FHIT: variants seen among roughly 807,000 people sequenced by gnomAD.
The protein encoded by FHIT is bis(5'-adenosyl)-triphosphatase.
Under a neutral mutation model 17.9 loss-of-function variants are expected in FHIT, and 19 were observed. The ratio of observed to expected loss-of-function variants is 1.06; its 90% CI spans 0.74 to 1.56. The LOEUF is 1.56. Among genes scored for constraint, FHIT ranks in the 40% most tolerant of loss-of-function variants. The pLI is 0.00. For synonymous variants in FHIT, 81 were observed against 69.7 expected (o/e 1.16, Z -0.81); for missense variants, 248 against 189.2 (o/e 1.31, Z -1.82).
chr3:60,388,654 A>T (rs1701107741), intron 5 of FHIT, among the ~76,000 whole-genome samples: 1 of 152,312 alleles, frequency 6.6e-6, no homozygotes, highest in South Asian at 2.1e-4. Flanking sequence ...CTGAGAAGAC[A>T]GAAAATATTT....
intron 5 of FHIT, among the ~76,000 whole-genome samples, chr3:60,359,277 CTTTTT>C (rs71089599): frequency 1.8e-5 from 2 of 109,910 alleles, no homozygotes; most frequent in Non-Finnish European, 1.8e-5. Context: ...ATGAAAATAT[CTTTTT>C]TTTTTTTTTT....
At chr3:59,869,542 A>C (rs4679619) in intron 8 of FHIT, among the ~76,000 whole-genome samples, 48,838 of 140,076 alleles carry the variant, frequency 0.35, 9,478 homozygotes, top group East Asian at 0.59. Context: ...AGTGCAGTGG[A>C]GCGATCTCGG....
At chr3:61,055,600 A>G (rs1483352181) in intron 2 of FHIT, among the ~76,000 whole-genome samples, 1 of 152,224 alleles carries the variant, frequency 6.6e-6, no homozygotes, top group Non-Finnish European at 1.5e-5. Flanking sequence ...TTTCTGGGTG[A>G]TTCCCATGTA....
chr3:60,366,568 T>C lies in FHIT; in HGVS notation c.103+170292A>G, dbSNP rs539645214. On this transcript the variant is annotated intron_variant, in intron 5 of 9. Transcript: ENST00000492590. Reference sequence around the variant, plus strand: ...TGGTGCTCTACCCTCATGAATGGATTAATGCTGTTACCACTTATCATGGGA... The same window carrying C: ...TGGTGCTCTACCCTCATGAATGGATCAATGCTGTTACCACTTATCATGGGA... 3.9e-5 allele frequency among the ~76,000 whole-genome samples: 6 copies of C among 152,272 alleles called. No homozygotes were observed. The South Asian group carries it at 1.2e-3, about 32-fold the overall frequency.
intron 3 of FHIT, among the ~76,000 whole-genome samples, chr3:60,951,586 C>A (rs1181108874): frequency 1.3e-5 from 2 of 152,320 alleles, no homozygotes; most frequent in African/African-American, 4.8e-5. Flanking sequence ...CACCTAACGA[C>A]CTTCATCACC....
chr3:60,011,339 T>C, intron 7 of FHIT, 32 bp downstream of exon 7: 1 of 1,608,402 alleles, frequency 6.2e-7, no homozygotes, highest in African/African-American at 1.3e-5. Context: ...AATCGCCTCT[T>C]ATTAATTTGT....
chr3:60,791,639 C>T (rs188442172), intron 4 of FHIT, among the ~76,000 whole-genome samples: 5 of 152,282 alleles, frequency 3.3e-5, no homozygotes, highest in African/African-American at 1.2e-4. Context: ...ATGAACACAA[C>T]AAAATGCAGA....
chr3:60,944,479 A>C (rs1708558821), intron 3 of FHIT, among the ~76,000 whole-genome samples: 1 of 152,194 alleles, frequency 6.6e-6, no homozygotes. Context: ...AAATTGTCCC[A>C]TGTCTGCTAT....
At chr3:60,683,838 G>A (rs533123689) in intron 4 of FHIT, among the ~76,000 whole-genome samples, 46 of 152,184 alleles carry the variant, frequency 3.0e-4, no homozygotes, top group Middle Eastern at 3.4e-3. Context: ...ACTGTCTCAA[G>A]GAAATCATTT....
At chr3:60,543,259 A>G (rs902993228) in intron 4 of FHIT, among the ~76,000 whole-genome samples, 11 of 152,182 alleles carry the variant, frequency 7.2e-5, no homozygotes, top group Non-Finnish European at 1.3e-4. Context: ...GATTTGGTTT[A>G]TAGGGGGAGT....
intron 4 of FHIT, among the ~76,000 whole-genome samples, chr3:60,638,816 T>A (rs987578533): frequency 2.5e-4 from 38 of 151,046 alleles, no homozygotes; most frequent in African/African-American, 9.3e-4. Flanking sequence ...GTGTGAAAAA[T>A]TCAAAGAGGG....
intron 7 of FHIT, among the ~76,000 whole-genome samples, chr3:59,929,483 G>C (rs1367140381): frequency 4.2e-5 from 6 of 142,888 alleles, no homozygotes; most frequent in Non-Finnish European, 7.5e-5. Context: ...CGATTCTCCT[G>C]ACTCAGCCTC....
intron 8 of FHIT, among the ~76,000 whole-genome samples, chr3:59,914,975 A>T (rs1705061950): frequency 6.6e-6 from 1 of 152,210 alleles, no homozygotes; most frequent in Admixed American, 6.5e-5. Context: ...TAGCTATGTC[A>T]AGAACCTTGA....
intron 4 of FHIT, among the ~76,000 whole-genome samples, chr3:60,548,656 C>T (rs2107619681): frequency 6.6e-6 from 1 of 152,290 alleles, no homozygotes; most frequent in South Asian, 2.1e-4. Flanking sequence ...ACAACAGCAT[C>T]ACTTGAGAGT....
At position 60,047,904 on chromosome 3, in the gene FHIT, G is replaced by A. The variant is rs147425596; in HGVS notation, c.104-33752C>T. On this transcript the variant is annotated intron_variant, in intron 5 of 9. Transcript: ENST00000492590. ...ATCTGATGTATTTTAAAATGTAGGT[G>A]TATCAGTTTGGTGGGGTTGCCATAA... Among the ~76,000 whole-genome samples, 309 of 152,290 alleles carry A rather than the reference G, an allele frequency of 2.0e-3. 1 individual carries two copies. Among genetic ancestry groups the A allele is most frequent in the Middle Eastern group, 0.01 (3 of 294 alleles).
At chr3:61,212,211 A>C (rs1231183661) in intron 1 of FHIT, among the ~76,000 whole-genome samples, 1 of 152,240 alleles carries the variant, frequency 6.6e-6, no homozygotes, top group East Asian at 1.9e-4. Context: ...TCCGAGCTAA[A>C]GGAGGAAATT....
intron 4 of FHIT, chr3:60,690,690 A>G (rs527892676): frequency 3.2e-4 from 146 of 462,026 alleles, no homozygotes; most frequent in Non-Finnish European, 5.8e-4. Flanking sequence ...TATTGACAGC[A>G]ATGTCGAAGA....
intron 1 of FHIT, among the ~76,000 whole-genome samples, chr3:61,239,761 C>CTATATATATA (rs1491311135): frequency 0.015 from 944 of 63,132 alleles, 58 homozygotes; most frequent in African/African-American, 0.052. Flanking sequence ...AAACAACTGG[C>CTATATATATA]CATATATATA....
intron 5 of FHIT, among the ~76,000 whole-genome samples, chr3:60,227,176 T>C (rs1187971837): frequency 6.6e-6 from 1 of 152,118 alleles, no homozygotes; most frequent in Non-Finnish European, 1.5e-5. Flanking sequence ...CCACCGGTGA[T>C]TCAAAGGAAT....
Sources: gnomAD v4.1 joint callset for allele counts (sites outside exome capture counted in the v4.1 genomes callset) on GRCh38, gnomAD v4.1.1 for gene constraint, MANE v1.5 for transcripts, NCBI Gene and HGNC (gene_info 2026-07-23, HGNC 2026-07-21) for gene names.